Variants in PHF24 observed in about 807,000 individuals in gnomAD.
The protein encoded by PHF24 is PHD finger protein 24.
A neutral mutation model predicts 42.6 loss-of-function variants in PHF24; 25 were observed. The ratio of observed to expected loss-of-function variants is 0.59; its 90% confidence interval spans 0.43 to 0.82. The LOEUF (loss-of-function observed/expected upper bound fraction) is 0.82, where lower values mean the gene tolerates loss of function less well. Ranked by LOEUF, PHF24 falls within the 40% of genes least tolerant of loss-of-function variation. The probability of loss-of-function intolerance (pLI) is 0.00; values close to 1 mark genes in which losing one functional copy is unlikely to be tolerated. For synonymous variants in PHF24, 185 were observed against 204.8 expected (o/e 0.90, Z 0.83); for missense variants, 470 against 538.1 (o/e 0.87, Z 1.25).
At chr9:34,936,160 A>G in the PHF24 span, among the ~76,000 whole-genome samples, 22 of 151,108 alleles carry the variant, frequency 1.5e-4, no homozygotes, top group Admixed American at 9.9e-4. Context: ...GCTCACTGCA[A>G]CCTCCCTGCC....
At chr9:34,907,448 G>A in the PHF24 span, among the ~76,000 whole-genome samples, 1 of 152,096 alleles carries the variant, frequency 6.6e-6, no homozygotes, top group East Asian at 1.9e-4. Context: ...CTATTAATCT[G>A]CTTTTTGTCG....
chr9:34,784,985 T>C, the PHF24 span, among the ~76,000 whole-genome samples: 1 of 152,226 alleles, frequency 6.6e-6, no homozygotes, highest in Non-Finnish European at 1.5e-5. Flanking sequence ...AAAATGTGAA[T>C]ACACAGCAGC....
At chr9:34,888,803 C>G in the PHF24 span, among the ~76,000 whole-genome samples, 4 of 152,182 alleles carry the variant, frequency 2.6e-5, no homozygotes, top group Non-Finnish European at 5.9e-5. Context: ...CATTCCTCCT[C>G]TGAGCCCAAC....
the PHF24 span, among the ~76,000 whole-genome samples, chr9:34,781,985 T>A: frequency 9.9e-5 from 15 of 152,158 alleles, no homozygotes; most frequent in South Asian, 2.1e-4. Context: ...CCTGAAATCA[T>A]GGGTTCTAGG....
chr9:34,728,720 G>C, the PHF24 span: 1 of 1,420,038 alleles, frequency 7.0e-7, no homozygotes, highest in Non-Finnish European at 9.7e-7. Flanking sequence ...TCCAAAATGA[G>C]ACAAAACTTA....
the PHF24 span, among the ~76,000 whole-genome samples, chr9:34,845,609 A>G: frequency 3.3e-5 from 5 of 151,712 alleles, no homozygotes; most frequent in Admixed American, 2.0e-4. Context: ...TTATTTTCTT[A>G]TTATTATACT....
chr9:34,847,080 T>C, the PHF24 span, among the ~76,000 whole-genome samples: 485 of 152,220 alleles, frequency 3.2e-3, 3 homozygotes, highest in Middle Eastern at 0.01. Flanking sequence ...CTTGGTGATG[T>C]GGGCTCTTTT....
chr9:34,832,395 GAGTGTAACCGA>G, the PHF24 span: 3 of 1,063,296 alleles, frequency 2.8e-6, no homozygotes, highest in Non-Finnish European at 4.2e-6. Context: ...AGGTTGTCTG[GAGTGTAACCGA>G]AGCTTATTGT....
the PHF24 span, among the ~76,000 whole-genome samples, chr9:34,735,099 A>C: frequency 6.8e-6 from 1 of 146,944 alleles, no homozygotes; most frequent in Non-Finnish European, 1.5e-5. Flanking sequence ...AACTCAGTCT[A>C]CTCTCTTACA....
chr9:34,703,057 G>T, the PHF24 span, among the ~76,000 whole-genome samples: 3 of 152,160 alleles, frequency 2.0e-5, no homozygotes, highest in Non-Finnish European at 2.9e-5. Context: ...TTATAGCTGG[G>T]AAACAAATTA....
At chr9:34,743,433 A>G in the PHF24 span, among the ~76,000 whole-genome samples, 1,282 of 152,292 alleles carry the variant, frequency 8.4e-3, 15 homozygotes, top group Non-Finnish European at 0.014. Context: ...AACATAGTAA[A>G]CCCTAAAGTT....
chr9:34,864,330 G>T, the PHF24 span, among the ~76,000 whole-genome samples: 510 of 152,244 alleles, frequency 3.3e-3, 1 homozygote, highest in South Asian at 0.018. Context: ...TTAACCCAAA[G>T]AAGACTTCCT....
chr9:34,980,942 G>A (rs1275058789), exon 8 of PHF24: 1 of 152,302 alleles, frequency 6.6e-6, no homozygotes, highest in Non-Finnish European at 1.5e-5. Flanking sequence ...GCTGGAGGAT[G>A]TGGTGGAGCT....
At chr9:34,832,625 T>A in the PHF24 span, 2 of 1,541,346 alleles carry the variant, frequency 1.3e-6, no homozygotes, top group South Asian at 1.2e-5. Context: ...CTTTGCCTTT[T>A]GTCTTGGGGT....
the PHF24 span, among the ~76,000 whole-genome samples, chr9:34,733,070 G>A: frequency 1.3e-5 from 2 of 152,148 alleles, no homozygotes; most frequent in African/African-American, 4.8e-5. Context: ...TGGGTCAAAA[G>A]GTGTGTGTAT....
the PHF24 span, among the ~76,000 whole-genome samples, chr9:34,945,678 C>T: frequency 6.6e-6 from 1 of 152,182 alleles, no homozygotes; most frequent in Admixed American, 6.5e-5. Flanking sequence ...CCCTTCCTCC[C>T]TCTGTCTCCT....
chr9:34,909,169 T>TG, the PHF24 span, among the ~76,000 whole-genome samples: 3 of 152,072 alleles, frequency 2.0e-5, no homozygotes, highest in South Asian at 2.1e-4. Context: ...TTTTAAGAGA[T>TG]GGGGTCTCAC....
At chr9:34,704,394 T>C in the PHF24 span, among the ~76,000 whole-genome samples, 1 of 152,132 alleles carries the variant, frequency 6.6e-6, no homozygotes, top group Non-Finnish European at 1.5e-5. Flanking sequence ...CCTTAAAATA[T>C]TGACAAGGAA....
the PHF24 span, among the ~76,000 whole-genome samples, chr9:34,741,388 G>T: frequency 1.3e-5 from 2 of 150,810 alleles, no homozygotes; most frequent in Admixed American, 6.6e-5. Flanking sequence ...TTGAGACGGA[G>T]CTTCACTCTT....
Sources: allele counts gnomAD v4.1 joint callset (sites outside exome capture counted in the v4.1 genomes callset), GRCh38; gene constraint gnomAD v4.1.1; transcripts MANE v1.5; gene names NCBI Gene and HGNC (gene_info 2026-07-23, HGNC 2026-07-21).